Variants in CBFB observed in about 807,000 individuals in gnomAD.
CBFB encodes core-binding factor subunit beta, also known as CBF-beta.
In CBFB, 9 loss-of-function variants were observed where a neutral mutation model predicts 30.4. The observed-to-expected ratio is 0.30, with a 90% CI of 0.18 to 0.52. The LOEUF is 0.52. CBFB is among the 20% of genes least tolerant of loss of function. CBFB has a pLI of 0.97. For missense variants in CBFB, 170 were observed against 244.0 expected (o/e 0.70, Z 2.02); for synonymous variants, 94 against 84.0 (o/e 1.12, Z -0.65).
chr16:67,049,084 G>C (rs1183021560), intron 3 of CBFB, among the ~76,000 whole-genome samples: 1 of 151,890 alleles, frequency 6.6e-6, no homozygotes, highest in Non-Finnish European at 1.5e-5. Context: ...GCCTCATAAA[G>C]TGCTGGGATT....
intron 5 of CBFB, among the ~76,000 whole-genome samples, chr16:67,084,240 AGT>A (rs1157181071): frequency 6.6e-6 from 1 of 151,466 alleles, no homozygotes; most frequent in Non-Finnish European, 1.5e-5. Flanking sequence ...TTTGAAAAAG[AGT>A]GTTGTCAAAT....
At chr16:67,064,146 T>C (rs1039428030) in intron 3 of CBFB, among the ~76,000 whole-genome samples, 3 of 152,188 alleles carry the variant, frequency 2.0e-5, no homozygotes, top group Admixed American at 2.0e-4. Context: ...TATTAACCTA[T>C]GCTGGTTTAT....
chr16:67,053,510 C>T (rs778258837), intron 3 of CBFB, among the ~76,000 whole-genome samples: 1 of 151,982 alleles, frequency 6.6e-6, no homozygotes, highest in Non-Finnish European at 1.5e-5. Context: ...ACTCTTCGGC[C>T]TCCCAAAGTG....
At chr16:67,034,081 G>A (rs1250555992) in intron 2 of CBFB, among the ~76,000 whole-genome samples, 2 of 152,032 alleles carry the variant, frequency 1.3e-5, no homozygotes, top group Non-Finnish European at 2.9e-5. Flanking sequence ...GCCTGTGTTG[G>A]CCTCCCAAAG....
At chr16:67,071,505 T>C (rs1485278653) in intron 4 of CBFB, among the ~76,000 whole-genome samples, 1 of 152,160 alleles carries the variant, frequency 6.6e-6, no homozygotes, top group Admixed American at 6.5e-5. Context: ...GGAACCAAAT[T>C]GGCTGGCACA....
chr16:67,088,277 C>T (rs1961784299), intron 5 of CBFB, among the ~76,000 whole-genome samples: 8 of 152,078 alleles, frequency 5.3e-5, no homozygotes, highest in Admixed American at 5.2e-4. Context: ...CCTAATGTCA[C>T]CTTATTTTCT....
In CBFB at chr16:67,100,787, T is replaced by G. The variant is rs1363090626; in HGVS notation, c.*2009T>G. On this transcript the variant is annotated 3_prime_UTR_variant, in exon 6 of 6. Transcript: ENST00000412916. ...ATTTTTCTGTCATTTAGCACCATGC[T>G]GCTTCTGTCTGTCTTAATGCTGGCA... 1 of 215,668 alleles carries G rather than the reference T, an allele frequency of 4.6e-6. No individual in the cohort carries two copies. The allele number at this position is 215,668 out of a possible 1,614,324, so 13.4% of individuals were successfully genotyped here. A position where few individuals can be genotyped will look rare whatever the true frequency, so the allele number is the denominator to read the frequency against.
At position 67,056,030 on chromosome 16, in the gene CBFB, G is replaced by A. The variant is rs546481847; in HGVS notation, c.283-10652G>A. Among the ~76,000 whole-genome samples, 3 of 152,346 alleles carry A rather than the reference G, an allele frequency of 2.0e-5. No homozygotes were observed. The East Asian group carries it at 5.8e-4, about 29-fold the overall frequency. The stretch of plus-strand genomic sequence containing the variant: ...AGTATTACTGTTGGATGATTCATTG[G>A]TCTGTGGGTAGGAACAACTCTTCAT... On this transcript the variant is annotated intron_variant, in intron 3 of 5. Coordinates refer to ENST00000412916, the MANE Select transcript of CBFB (RefSeq NM_022845.3).
chr16:67,073,137 A>C (rs1334527640), intron 4 of CBFB, among the ~76,000 whole-genome samples: 2 of 152,230 alleles, frequency 1.3e-5, no homozygotes, highest in African/African-American at 4.8e-5. Context: ...AAAATTGACA[A>C]AATACTCTAA....
intron 3 of CBFB, among the ~76,000 whole-genome samples, chr16:67,057,062 A>C (rs958290456): frequency 6.6e-6 from 1 of 150,496 alleles, no homozygotes; most frequent in Non-Finnish European, 1.5e-5. Context: ...GGCTCACTGC[A>C]ACCTTTGCCT....
chr16:67,043,288 C>T (rs750013715), intron 3 of CBFB, among the ~76,000 whole-genome samples: 4 of 151,946 alleles, frequency 2.6e-5, no homozygotes, highest in African/African-American at 7.3e-5. Flanking sequence ...CCTAATAGAG[C>T]GGAAACAAAA....
Position 67,029,383 on chromosome 16 carries a change from G to C in CBFB, c.-25G>C. 2 of 1,491,730 alleles carry C rather than the reference G, an allele frequency of 1.3e-6. No individual in the cohort carries two copies. The highest frequency in any genetic ancestry group is 1.8e-6 in the Non-Finnish European group (2 of 1,120,612). The allele number at this position is 1,491,730 out of a possible 1,614,324, so 92.4% of individuals were successfully genotyped here. On this transcript the variant is annotated 5_prime_UTR_variant, in exon 1 of 6. Coordinates refer to ENST00000412916, the MANE Select transcript of CBFB (RefSeq NM_022845.3). The stretch of plus-strand genomic sequence containing the variant: ...CCCGCGCAAGCCCCGAGCGCGGCCG[G>C]CCGGCGCGGCCTCAGGGCGGGAAGA...
intron 3 of CBFB, among the ~76,000 whole-genome samples, chr16:67,040,243 A>G (rs1034669557): frequency 6.6e-5 from 10 of 152,178 alleles, no homozygotes; most frequent in Non-Finnish European, 2.9e-5. Flanking sequence ...ACTTCTCCAA[A>G]TGTTAATTAT....
At position 67,098,741 on chromosome 16, in the gene CBFB, C is replaced by T; in HGVS notation, c.527C>T (p.Ser176Phe). Residue 176 changes from serine (S) to phenylalanine (F), a missense_variant, in exon 6 of 6, where the codon TCC (serine) becomes TTC (phenylalanine). By Grantham distance (155) the Ser-to-Phe change is radical. Coordinates refer to ENST00000412916, the MANE Select transcript of CBFB (RefSeq NM_022845.3). The part of the protein sequence containing the change: ...ARRQQDPSPG[S>F]NLGGGDDLKL... The stretch of plus-strand genomic sequence containing the variant: ...AGACAACAAGACCCTAGTCCTGGTT[C>T]CAATTTAGGTGGTGGTGATGACCTC... 6.2e-7 allele frequency: 1 copy of T among 1,610,700 alleles called. No individual in the cohort carries two copies. The highest frequency in any genetic ancestry group is 8.5e-7 in the Non-Finnish European group (1 of 1,177,124).
intron 4 of CBFB, among the ~76,000 whole-genome samples, chr16:67,070,047 A>G (rs976147203): frequency 6.6e-6 from 1 of 152,228 alleles, no homozygotes; most frequent in African/African-American, 2.4e-5. Flanking sequence ...ATGTCTTTTA[A>G]TTGTTTGCTT....
intron 5 of CBFB, among the ~76,000 whole-genome samples, chr16:67,088,664 G>C (rs1214806099): frequency 6.6e-6 from 1 of 152,208 alleles, no homozygotes; most frequent in Non-Finnish European, 1.5e-5. Context: ...GTTCTAGTGG[G>C]TGGTCCTGAT....
chr16:67,078,606 A>G (rs1014674610), intron 4 of CBFB, among the ~76,000 whole-genome samples: 1 of 152,160 alleles, frequency 6.6e-6, no homozygotes, highest in African/African-American at 2.4e-5. Flanking sequence ...GAAGGCTACC[A>G]AATATCTCCT....
intron 5 of CBFB, among the ~76,000 whole-genome samples, chr16:67,098,295 T>C (rs1962115395): frequency 6.6e-6 from 1 of 152,076 alleles, no homozygotes; most frequent in Non-Finnish European, 1.5e-5. Flanking sequence ...CCACCATGCC[T>C]GGCTAATTTT....
intron 4 of CBFB, among the ~76,000 whole-genome samples, chr16:67,078,134 G>A (rs141744958): frequency 6.6e-6 from 1 of 152,304 alleles, no homozygotes; most frequent in East Asian, 1.9e-4. Context: ...AAAGGGAGGT[G>A]TTAGATTGCA....
Sources: allele counts gnomAD v4.1 joint callset (sites outside exome capture counted in the v4.1 genomes callset), GRCh38; gene constraint gnomAD v4.1.1; transcripts MANE v1.5; gene names NCBI Gene and HGNC (gene_info 2026-07-23, HGNC 2026-07-21).